The following RREB1 variants were observed in gnomAD, a reference collection of about 807,000 sequenced individuals.
The protein encoded by RREB1 is ras-responsive element-binding protein 1.
Under a neutral mutation model 117.8 loss-of-function variants are expected in RREB1, and 27 were observed. The ratio of observed to expected loss-of-function variants is 0.23; its 90% CI spans 0.17 to 0.32. The LOEUF is 0.32. RREB1 is among the 10% of genes least tolerant of loss of function. RREB1 has a pLI of 1.00. For missense variants in RREB1, 2,577 were observed against 2,378.2 expected (o/e 1.08, Z -1.74); for synonymous variants, 1,298 against 1,026.7 (o/e 1.26, Z -5.05).
chr6:7,141,324 A>G (rs921634783), intron 1 of RREB1, among the ~76,000 whole-genome samples: 7 of 152,192 alleles, frequency 4.6e-5, no homozygotes, highest in Middle Eastern at 3.4e-3. Flanking sequence ...CACTTTCCTC[A>G]GTTGCGAAGG....
At chr6:7,196,231 G>GTT (rs1179803646) in intron 6 of RREB1, among the ~76,000 whole-genome samples, 21 of 83,770 alleles carry the variant, frequency 2.5e-4, no homozygotes, top group South Asian at 3.8e-4. Flanking sequence ...TTTTTTTTTT[G>GTT]TTTTTTTTTT....
At chr6:7,172,436 A>T (rs1232911941) in intron 1 of RREB1, among the ~76,000 whole-genome samples, 2 of 147,218 alleles carry the variant, frequency 1.4e-5, no homozygotes, top group African/African-American at 5.1e-5. Flanking sequence ...TGTATCAGAG[A>T]TGGGTTTTGC....
intron 1 of RREB1, among the ~76,000 whole-genome samples, chr6:7,134,214 C>CA (rs376765696): frequency 2.2e-4 from 33 of 152,288 alleles, no homozygotes; most frequent in African/African-American, 7.7e-4. Context: ...ACTGAACTGA[C>CA]AAAATGTGTG....
At chr6:7,138,053 CT>C (rs1460218008) in intron 1 of RREB1, among the ~76,000 whole-genome samples, 1 of 152,144 alleles carries the variant, frequency 6.6e-6, no homozygotes, top group Non-Finnish European at 1.5e-5. Context: ...GTTAATTAGA[CT>C]TTTACACCTC....
At position 7,230,555 on chromosome 6, in the gene RREB1, A is replaced by G. The variant is rs1358651896; in HGVS notation, c.2456A>G (p.Gln819Arg). The change falls in exon 10 of 13, where the codon CAG (glutamine) becomes CGG (arginine). Residue 819 changes from glutamine to arginine, a missense_variant. Physicochemically the swap from Gln to Arg is conservative, Grantham distance 43. Coordinates refer to ENST00000379938, the MANE Select transcript of RREB1 (RefSeq NM_001003699.4). ...ILKQHLHVPE[Q>R]DIESYVLAAD... Reference sequence around the variant, plus strand: ...AAGCAGCACCTGCACGTGCCCGAGCAGGACATCGAGAGCTACGTGCTGGCC... The same window carrying G: ...AAGCAGCACCTGCACGTGCCCGAGCGGGACATCGAGAGCTACGTGCTGGCC... The G allele has an allele frequency of 1.2e-6, 2 of 1,600,740 alleles. No homozygotes were observed. The highest frequency in any genetic ancestry group is 2.2e-5 in the East Asian group (1 of 44,588).
At chr6:7,122,323 T>G (rs901869738) in intron 1 of RREB1, among the ~76,000 whole-genome samples, 1 of 152,220 alleles carries the variant, frequency 6.6e-6, no homozygotes, top group Non-Finnish European at 1.5e-5. Context: ...TGGAGTCCAG[T>G]GTTGTGATCA....
intron 1 of RREB1, among the ~76,000 whole-genome samples, chr6:7,135,053 C>T (rs1433803806): frequency 1.3e-5 from 2 of 152,156 alleles, no homozygotes; most frequent in African/African-American, 4.8e-5. Flanking sequence ...CTCCCTTGGC[C>T]CTTTTAATTA....
Position 7,229,482 on chromosome 6 carries a change from C to A in RREB1, c.1383C>A (p.Gly461=), listed in dbSNP as rs578058491. ...GCATTGTGGTCAAGCCCATCTCTGG[C>A]GAGTCGGCCATCGAGCTGGCAGACA... ...DSSIVVKPIS[G]ESAIELADIQ... is the part of the protein sequence containing the mutation. Residue 461 remains glycine, a synonymous_variant, in exon 10 of 13, where the codon GGC becomes GGA. Transcript: ENST00000379938. This position sits in a 1 kb window ranked among gnomAD's most constrained non-coding sequence, Gnocchi z 4.5. 1.2e-6 allele frequency: 2 copies of A among 1,614,048 alleles called. No individual in the cohort carries two copies. The highest frequency in any genetic ancestry group is 1.7e-5 in the Admixed American group (1 of 60,006).
chr6:7,231,158 C>A lies in RREB1; in HGVS notation c.3059C>A (p.Ser1020Tyr), dbSNP rs776918384. The change falls in exon 10 of 13, where the codon TCC (serine) becomes TAC (tyrosine). Residue 1020 changes from serine to tyrosine, a missense_variant. Ser to Tyr is a moderately radical substitution (Grantham distance 144, BLOSUM62 -2). Transcript: ENST00000379938. Reference protein sequence around the residue: ...GPVQLAVPIYSSALVSSPPLV... With the variant: ...GPVQLAVPIYYSALVSSPPLV... ...GTTCAGCTGGCGGTCCCAATCTACT[C>A]CTCAGCCCTGGTCAGCAGCCCTCCA... is the stretch of plus-strand genomic sequence containing the variant. The A allele has an allele frequency of 1.2e-6, 2 of 1,612,348 alleles. No individual in the cohort carries two copies. Among genetic ancestry groups the A allele is most frequent in the Non-Finnish European group, 1.7e-6 (2 of 1,179,752 alleles).
chr6:7,173,425 G>A (rs927937460), intron 1 of RREB1, among the ~76,000 whole-genome samples: 1 of 151,752 alleles, frequency 6.6e-6, no homozygotes, highest in Non-Finnish European at 1.5e-5. Flanking sequence ...CCCAGGAGGC[G>A]GAGATTGCAG....
chr6:7,233,087 G>A (rs906220468), intron 10 of RREB1, among the ~76,000 whole-genome samples: 1 of 151,924 alleles, frequency 6.6e-6, no homozygotes, highest in Non-Finnish European at 1.5e-5. Context: ...GTAGAGATGG[G>A]GTTTCACCAT....
In RREB1 at chr6:7,215,418, C is replaced by G. The variant is rs1421937020; in HGVS notation, c.707+3709C>G. On this transcript the variant is annotated intron_variant, in intron 8 of 12. Transcript: ENST00000379938. ...GTGACATGATTATGACTCACTGCAC[C>G]TTGACCTCCCAGGCTTTTAAGTGAC... The G allele has an allele frequency of 2.6e-5, 4 of 152,178 alleles. 1 individual carries two copies. Among genetic ancestry groups the G allele is most frequent in the Admixed American group, 1.3e-4 (2 of 15,284 alleles). 9.4% of individuals were successfully genotyped at this position (152,178 alleles called of 1,614,324 possible).
chr6:7,175,978 T>A (rs1020509440), intron 1 of RREB1, among the ~76,000 whole-genome samples: 3 of 152,208 alleles, frequency 2.0e-5, no homozygotes, highest in Admixed American at 6.5e-5. Flanking sequence ...AGTGCAGTGG[T>A]GCAATCTCAG....
intron 1 of RREB1, among the ~76,000 whole-genome samples, chr6:7,116,589 G>A (rs972478115): frequency 6.6e-6 from 1 of 152,152 alleles, no homozygotes; most frequent in African/African-American, 2.4e-5. Flanking sequence ...GAAGATTTTG[G>A]AGAATAGCCA....
chr6:7,127,320 G>A (rs1761981934), intron 1 of RREB1, among the ~76,000 whole-genome samples: 1 of 152,146 alleles, frequency 6.6e-6, no homozygotes, highest in Non-Finnish European at 1.5e-5. Context: ...GCAAACTGCA[G>A]TGTGAACTTG....
At chr6:7,148,774 T>G (rs1156888909) in intron 1 of RREB1, among the ~76,000 whole-genome samples, 1 of 152,224 alleles carries the variant, frequency 6.6e-6, no homozygotes, top group Non-Finnish European at 1.5e-5. Flanking sequence ...GATGTGCAGC[T>G]GCTTCATGAG....
At position 7,251,455 on chromosome 6, in the gene RREB1, T is replaced by G. The variant is rs1769404425; in HGVS notation, c.*2487T>G. ...ACAAAAAAATATATATATATGGATCTTCTGAAAAGTTTTTTGAGGTGCAAG... is the reference window on the plus strand; with the variant it reads ...ACAAAAAAATATATATATATGGATCGTCTGAAAAGTTTTTTGAGGTGCAAG... On this transcript the variant is annotated 3_prime_UTR_variant, in exon 13 of 13. Coordinates refer to ENST00000379938, the MANE Select transcript of RREB1 (RefSeq NM_001003699.4). 6.6e-6 allele frequency: 1 copy of G among 151,706 alleles called. No homozygotes were observed. Among genetic ancestry groups the G allele is most frequent in the African/African-American group, 2.4e-5 (1 of 41,330 alleles). 9.4% of individuals were successfully genotyped at this position (151,706 alleles called of 1,614,324 possible).
intron 6 of RREB1, among the ~76,000 whole-genome samples, chr6:7,208,252 C>G (rs1056083739): frequency 6.6e-6 from 1 of 152,152 alleles, no homozygotes; most frequent in South Asian, 2.1e-4. Flanking sequence ...TCATGATGAT[C>G]CTGGCTGCAC....
chr6:7,202,265 G>C (rs1373455408), intron 6 of RREB1, among the ~76,000 whole-genome samples: 2 of 152,156 alleles, frequency 1.3e-5, no homozygotes, highest in East Asian at 3.9e-4. Flanking sequence ...TTCCTCTTTT[G>C]GAACTGGCTG....
Sources: allele counts gnomAD v4.1 joint callset (sites outside exome capture counted in the v4.1 genomes callset), GRCh38; gene constraint gnomAD v4.1.1; non-coding constraint Gnocchi (gnomAD v3.1); transcripts MANE v1.5; gene names NCBI Gene and HGNC (gene_info 2026-07-23, HGNC 2026-07-21).